DPP6: variants seen among roughly 807,000 people sequenced by gnomAD.
The protein encoded by DPP6 is A-type potassium channel modulatory protein DPP6.
A neutral mutation model predicts 122.6 loss-of-function variants in DPP6; 69 were observed. That is an observed-to-expected ratio of 0.56 (90% confidence interval 0.46 to 0.69). The LOEUF (loss-of-function observed/expected upper bound fraction) is 0.69, where lower values mean the gene tolerates loss of function less well. DPP6 is among the 30% of genes least tolerant of loss of function. The pLI is 0.00. For missense variants in DPP6, 928 were observed against 1,116.9 expected (o/e 0.83, Z 2.41); for synonymous variants, 418 against 433.1 (o/e 0.97, Z 0.43).
chr7:153,953,620 A>G (rs1802323053), intron 1 of DPP6, among the ~76,000 whole-genome samples: 1 of 152,162 alleles, frequency 6.6e-6, no homozygotes, highest in African/African-American at 2.4e-5. Context: ...TCTCCATAAA[A>G]TGATAAAGCT....
intron 1 of DPP6, chr7:154,305,285 T>C (rs1563444244): frequency 2.3e-6 from 3 of 1,315,962 alleles, no homozygotes; most frequent in Non-Finnish European, 2.9e-6. Context: ...AGCTTCCTGC[T>C]TCGGATCCTC....
At chr7:154,883,128 TACAC>T (rs749861690) in intron 21 of DPP6, among the ~76,000 whole-genome samples, 68 of 127,210 alleles carry the variant, frequency 5.3e-4, no homozygotes, top group Admixed American at 7.2e-4. Flanking sequence ...TGCTCACACA[TACAC>T]ACACATGCTC....
intron 1 of DPP6, among the ~76,000 whole-genome samples, chr7:154,205,973 C>G (rs76936859): frequency 0.025 from 3,744 of 152,144 alleles, 168 homozygotes; most frequent in African/African-American, 0.085. Context: ...GCCTCTGACC[C>G]TTGCCTGAGG....
In DPP6 at chr7:154,883,898, T is replaced by TACACACGAG. The variant is rs1805767782; in HGVS notation, c.2134-1735_2134-1734insACACACGAG. The TACACACGAG allele has an allele frequency of 1.9e-5, 2 of 108,010 alleles. 1 individual carries two copies. The highest frequency in any genetic ancestry group is 3.7e-5 in the Non-Finnish European group (2 of 53,950). The allele number at this position is 108,010 out of a possible 1,614,324, so 6.7% of individuals were successfully genotyped here. On this transcript the variant is annotated intron_variant, in intron 21 of 25. Coordinates refer to ENST00000377770, the MANE Select transcript of DPP6 (RefSeq NM_130797.4). Reference sequence around the variant, plus strand: ...CCACATACATACATGCTCACACACATTACATACACATGCTCACACACGCTC... The same window carrying TACACACGAG: ...CCACATACATACATGCTCACACACATACACACGAGTACATACACATGCTCACACACGCTC...
At chr7:154,527,541 AAAAT>A in intron 3 of DPP6, among the ~76,000 whole-genome samples, 1 of 152,262 alleles carries the variant, frequency 6.6e-6, no homozygotes, top group East Asian at 1.9e-4. Context: ...AGATAGAAAT[AAAAT>A]AAATAATAGA....
chr7:153,887,828 C>A, intron 1 of DPP6: 1 of 1,381,882 alleles, frequency 7.2e-7, no homozygotes, highest in Non-Finnish European at 9.7e-7. Context: ...CCCGAACCTC[C>A]CTGGAAGGAC....
intron 1 of DPP6, among the ~76,000 whole-genome samples, chr7:154,096,539 G>A (rs1805334557): frequency 6.6e-6 from 1 of 151,146 alleles, no homozygotes; most frequent in East Asian, 1.9e-4. Flanking sequence ...GGTTTATAAA[G>A]TAAAACATTT....
At chr7:154,049,242 A>G (rs1800171387), upstream of DPP6, among the ~76,000 whole-genome samples, 2 of 140,898 alleles carry the variant, frequency 1.4e-5, no homozygotes, top group South Asian at 4.5e-4. Flanking sequence ...CCGAACCACT[A>G]CACCTATTTT....
intron 1 of DPP6, among the ~76,000 whole-genome samples, chr7:154,362,600 T>G (rs1811823438): frequency 6.9e-6 from 1 of 144,118 alleles, no homozygotes; most frequent in African/African-American, 2.6e-5. Context: ...TTTTTTTGCA[T>G]TTTTAGTAGA....
intron 16 of DPP6, among the ~76,000 whole-genome samples, chr7:154,851,952 T>G (rs1272466557): frequency 6.6e-6 from 1 of 152,166 alleles, no homozygotes; most frequent in African/African-American, 2.4e-5. Flanking sequence ...GCCTCTTCTC[T>G]GATGTCCAAG....
At chr7:154,487,068 C>T (rs1823859962) in intron 3 of DPP6, among the ~76,000 whole-genome samples, 1 of 152,170 alleles carries the variant, frequency 6.6e-6, no homozygotes, top group Non-Finnish European at 1.5e-5. Context: ...AGTTTAGACC[C>T]CGGCCAAGAC....
intron 16 of DPP6, among the ~76,000 whole-genome samples, chr7:154,832,521 A>C (rs770188683): frequency 6.6e-6 from 1 of 152,064 alleles, no homozygotes; most frequent in African/African-American, 2.4e-5. Context: ...CAAAGCCACC[A>C]CCCATTTTAC....
the DPP6 span, among the ~76,000 whole-genome samples, chr7:153,773,281 GTGTGTGTGTGTC>G: frequency 6.9e-6 from 1 of 144,904 alleles, no homozygotes; most frequent in East Asian, 2.0e-4. Context: ...GTGTGTGTGT[GTGTGTGTGTGTC>G]TGTGTGTGTA....
intron 4 of DPP6, among the ~76,000 whole-genome samples, chr7:154,546,328 A>G (rs141353990): frequency 7.1e-4 from 108 of 152,240 alleles, no homozygotes; most frequent in African/African-American, 2.5e-3. Context: ...GGTGATTTCC[A>G]TAACTGCCAT....
At chr7:153,955,040 CTG>C (rs1183876848) in intron 1 of DPP6, among the ~76,000 whole-genome samples, 2 of 152,270 alleles carry the variant, frequency 1.3e-5, no homozygotes, top group Non-Finnish European at 2.9e-5. Context: ...AAATTAAACT[CTG>C]TTCGGCTAGC....
chr7:153,816,696 T>C, the DPP6 span, among the ~76,000 whole-genome samples: 16 of 152,112 alleles, frequency 1.1e-4, no homozygotes, highest in Admixed American at 9.8e-4. Flanking sequence ...AGGATCACAT[T>C]AATAAACATA....
At chr7:153,829,732 C>T in the DPP6 span, among the ~76,000 whole-genome samples, 1,064 of 152,316 alleles carry the variant, frequency 7.0e-3, 6 homozygotes, top group Non-Finnish European at 0.01. Context: ...CTGATGGCCA[C>T]TTTTCATTTT....
intron 1 of DPP6, among the ~76,000 whole-genome samples, chr7:154,410,040 G>A (rs1397005980): frequency 1.3e-5 from 2 of 152,222 alleles, no homozygotes; most frequent in African/African-American, 4.8e-5. Context: ...GCTAATAAAA[G>A]AAGGAAGATA....
At chr7:154,042,936 A>G (rs1799835027) in intron 1 of DPP6, among the ~76,000 whole-genome samples, 1 of 152,212 alleles carries the variant, frequency 6.6e-6, no homozygotes, top group South Asian at 2.1e-4. Context: ...TGCATTGGCA[A>G]TGCCATCATT....
Sources: gnomAD v4.1 joint callset for allele counts (sites outside exome capture counted in the v4.1 genomes callset) on GRCh38, gnomAD v4.1.1 for gene constraint, MANE v1.5 for transcripts, NCBI Gene and HGNC (gene_info 2026-07-23, HGNC 2026-07-21) for gene names.